TP63: variants seen among roughly 807,000 people sequenced by gnomAD.
TP63 encodes tumor protein p63.
Under a neutral mutation model 82.8 loss-of-function variants are expected in TP63, and 17 were observed. The ratio of observed to expected loss-of-function variants is 0.21; its 90% CI spans 0.14 to 0.31. TP63 has a LOEUF of 0.31. Among genes scored for constraint, TP63 ranks in the 10% least tolerant of loss-of-function variants. TP63 has a pLI of 1.00. For synonymous variants in TP63, 330 were observed against 321.7 expected, an observed-to-expected ratio of 1.03 and a Z score of -0.28; for missense variants, 648 against 895.3, an observed-to-expected ratio of 0.72 and a Z score of 3.52.
In TP63 at chr3:189,691,350, AAAAAAAAAAAG is replaced by A. The variant is rs1236015173; in HGVS notation, c.63-46384_63-46374del. Reference sequence around the variant, plus strand: ...TGAGACTCCATCTCAAAAAAAAAAAAAAAAAAAAAAGAAAAAGAAAAAGAAAAGAAGAAAGG... The same window carrying A: ...TGAGACTCCATCTCAAAAAAAAAAAAAAAAAGAAAAAGAAAAGAAGAAAGG... On this transcript the variant is annotated intron_variant, in intron 1 of 13. Transcript: ENST00000264731. Among the ~76,000 whole-genome samples the A allele has an allele frequency of 8.4e-3, 1,262 of 149,912 alleles. 9 individuals are homozygous for A. Among genetic ancestry groups the A allele is most frequent in the African/African-American group, 0.03 (1,191 of 39,874 alleles).
At chr3:189,808,654 T>A (rs1267355510) in intron 4 of TP63, 128 bp downstream of exon 4, 2 of 1,537,452 alleles carry the variant, frequency 1.3e-6, no homozygotes, top group Non-Finnish European at 1.8e-6. Flanking sequence ...TGTCTTTGAA[T>A]ATTTAATACT....
At chr3:189,719,784 C>T (rs775022699) in intron 1 of TP63, among the ~76,000 whole-genome samples, 12 of 152,170 alleles carry the variant, frequency 7.9e-5, no homozygotes, top group African/African-American at 2.7e-4. Context: ...CCTTCGTGAG[C>T]GCTTTTCTTT....
chr3:189,873,096 A>T, intron 10 of TP63, 101 bp downstream of exon 10: 1 of 1,572,084 alleles, frequency 6.4e-7, no homozygotes. Flanking sequence ...ATAATGGGAG[A>T]TAGCAGATTG....
intron 1 of TP63, among the ~76,000 whole-genome samples, chr3:189,701,124 C>T (rs1325638031): frequency 6.6e-6 from 1 of 152,042 alleles, no homozygotes; most frequent in East Asian, 1.9e-4. Flanking sequence ...ATTGTGATGC[C>T]TCCCCAGCCA....
intron 1 of TP63, among the ~76,000 whole-genome samples, chr3:189,700,809 A>G (rs1221315764): frequency 1.3e-5 from 2 of 152,188 alleles, no homozygotes; most frequent in Non-Finnish European, 2.9e-5. Context: ...GTTCTTTTAC[A>G]TCCTCTGAAT....
At chr3:189,766,581 G>A (rs1235456856) in intron 3 of TP63, among the ~76,000 whole-genome samples, 1 of 152,108 alleles carries the variant, frequency 6.6e-6, no homozygotes, top group Non-Finnish European at 1.5e-5. Flanking sequence ...TTCCTCGCAA[G>A]CCCTGCAGGC....
chr3:189,728,918 A>G (rs1719963215), intron 1 of TP63, among the ~76,000 whole-genome samples: 1 of 152,188 alleles, frequency 6.6e-6, no homozygotes, highest in African/African-American at 2.4e-5. Flanking sequence ...GTGTGGGGAT[A>G]CAGAGCCAAA....
chr3:189,742,269 A>G (rs1481822236), intron 3 of TP63, among the ~76,000 whole-genome samples: 1 of 134,604 alleles, frequency 7.4e-6, no homozygotes, highest in Non-Finnish European at 1.6e-5. Flanking sequence ...AAAAAAAAAA[A>G]AGTTACTTTA....
chr3:189,831,059 T>C (rs1712254725), intron 4 of TP63, among the ~76,000 whole-genome samples: 1 of 152,102 alleles, frequency 6.6e-6, no homozygotes, highest in South Asian at 2.1e-4. Flanking sequence ...GCAGCCTGTA[T>C]TTCTGTTGTT....
At chr3:189,881,425 TC>T in intron 10 of TP63, 1 of 985,436 alleles carries the variant, frequency 1.0e-6, no homozygotes, top group Non-Finnish European at 1.2e-6. Context: ...GACAATGATT[TC>T]TTGTTATTGA....
intron 11 of TP63, among the ~76,000 whole-genome samples, chr3:189,887,500 G>T (rs1273333391): frequency 6.6e-6 from 1 of 152,064 alleles, no homozygotes. Context: ...GGCACTGTAA[G>T]AATTGGGCCT....
chr3:189,680,785 G>T (rs1715840344), intron 1 of TP63, among the ~76,000 whole-genome samples: 1 of 152,136 alleles, frequency 6.6e-6, no homozygotes, highest in South Asian at 2.1e-4. Context: ...TGTCTATGGA[G>T]GCTGTCCTGA....
chr3:189,617,078 G>C, the TP63 span, among the ~76,000 whole-genome samples: 1 of 152,196 alleles, frequency 6.6e-6, no homozygotes, highest in Non-Finnish European at 1.5e-5. Context: ...CATTGGATCT[G>C]TAAAGGCTTC....
intron 3 of TP63, among the ~76,000 whole-genome samples, chr3:189,778,256 T>A (rs1723970977): frequency 2.0e-5 from 3 of 152,194 alleles, no homozygotes; most frequent in Non-Finnish European, 4.4e-5. Flanking sequence ...TGTCTACAGG[T>A]GTATGTGGGA....
chr3:189,682,579 T>A (rs1373194333), intron 1 of TP63, among the ~76,000 whole-genome samples: 1 of 109,934 alleles, frequency 9.1e-6, no homozygotes, highest in South Asian at 3.1e-4. Context: ...TATATATATA[T>A]ATATATATAT....
chr3:189,855,863 G>A (rs1296071302), intron 4 of TP63, among the ~76,000 whole-genome samples: 1 of 151,992 alleles, frequency 6.6e-6, no homozygotes, highest in Non-Finnish European at 1.5e-5. Context: ...AAGGCAGATT[G>A]TAGAAAAAGA....
intron 1 of TP63, among the ~76,000 whole-genome samples, chr3:189,669,950 A>G (rs999374834): frequency 6.6e-6 from 1 of 152,052 alleles, no homozygotes; most frequent in Non-Finnish European, 1.5e-5. Flanking sequence ...TAAGTGTTAA[A>G]CATTCCTATT....
At chr3:189,721,495 C>A (rs1719388270) in intron 1 of TP63, among the ~76,000 whole-genome samples, 1 of 151,454 alleles carries the variant, frequency 6.6e-6, no homozygotes, top group African/African-American at 2.4e-5. Flanking sequence ...CTCTGCATTG[C>A]CCGTTGTGAT....
At chr3:189,735,501 T>C (rs1280230110) in intron 1 of TP63, among the ~76,000 whole-genome samples, 1 of 152,148 alleles carries the variant, frequency 6.6e-6, no homozygotes, top group African/African-American at 2.4e-5. Context: ...ACCACACGGT[T>C]CAATCAAGCT....
Sources: allele counts gnomAD v4.1 joint callset (sites outside exome capture counted in the v4.1 genomes callset), GRCh38; gene constraint gnomAD v4.1.1; transcripts MANE v1.5; gene names NCBI Gene and HGNC (gene_info 2026-07-23, HGNC 2026-07-21).